The following SLC24A3 variants were observed in gnomAD, a reference collection of about 807,000 sequenced individuals.
SLC24A3 encodes the protein solute carrier family 24 member 3, also known as sodium/potassium/calcium exchanger 3.
A neutral mutation model predicts 75.8 loss-of-function variants in SLC24A3; 28 were observed. The observed-to-expected ratio is 0.37, with a 90% CI of 0.27 to 0.51. The LOEUF (loss-of-function observed/expected upper bound fraction) is 0.51, where lower values mean the gene tolerates loss of function less well. SLC24A3 is among the 20% of genes least tolerant of loss of function. SLC24A3 has a pLI of 0.94. For missense variants in SLC24A3, 663 were observed against 847.8 expected, an observed-to-expected ratio of 0.78 and a Z score of 2.71; for synonymous variants, 372 against 334.1, an observed-to-expected ratio of 1.11 and a Z score of -1.24.
intron 3 of SLC24A3, among the ~76,000 whole-genome samples, chr20:19,524,015 G>A (rs671762): frequency 0.16 from 24,974 of 152,048 alleles, 2,489 homozygotes; most frequent in East Asian, 0.3. Context: ...ACAGGGGATT[G>A]GTGGTGGATA....
intron 1 of SLC24A3, among the ~76,000 whole-genome samples, chr20:19,233,724 A>G (rs1339500090): frequency 6.6e-6 from 1 of 152,240 alleles, no homozygotes; most frequent in African/African-American, 2.4e-5. Context: ...AGTTCCTGTC[A>G]TGAAATCATT....
chr20:19,314,364 A>G lies in SLC24A3; in HGVS notation c.271+33277A>G, dbSNP rs185197582. Among the ~76,000 whole-genome samples the G allele has an allele frequency of 1.7e-4, 25 of 147,472 alleles. No individual in the cohort carries two copies. The Admixed American group carries it at 1.7e-3, about 10-fold the overall frequency. ...GGTCTCAGTCCACCACCCAGGCTGG[A>G]GTGCAGTGGCGCAATCTCGGCTCAC... On this transcript the variant is annotated intron_variant, in intron 2 of 16. Transcript: ENST00000328041.
At chr20:19,458,225 C>A (rs1987612893) in intron 2 of SLC24A3, among the ~76,000 whole-genome samples, 1 of 152,060 alleles carries the variant, frequency 6.6e-6, no homozygotes, top group African/African-American at 2.4e-5. Context: ...GTGTGTGTTT[C>A]CGTATTCTTT....
chr20:19,578,273 T>C (rs2031169413), intron 3 of SLC24A3, among the ~76,000 whole-genome samples: 1 of 151,988 alleles, frequency 6.6e-6, no homozygotes, highest in Non-Finnish European at 1.5e-5. Context: ...CGTGTGTGTG[T>C]GTGTGTGCAT....
intron 2 of SLC24A3, among the ~76,000 whole-genome samples, chr20:19,402,109 G>T (rs1024167690): frequency 2.0e-5 from 3 of 152,152 alleles, no homozygotes; most frequent in Non-Finnish European, 4.4e-5. Context: ...AACAACAAAG[G>T]CAGAAATCCC....
chr20:19,250,891 A>AG (rs1982634294), intron 1 of SLC24A3, among the ~76,000 whole-genome samples: 1 of 152,158 alleles, frequency 6.6e-6, no homozygotes. Flanking sequence ...TTCACAGTTG[A>AG]GGAAACTGAG....
chr20:19,537,866 C>T (rs1375391360), intron 3 of SLC24A3, among the ~76,000 whole-genome samples: 8 of 115,572 alleles, frequency 6.9e-5, no homozygotes, highest in South Asian at 5.6e-4. Context: ...CATCACACAC[C>T]GGGGACCGTT....
intron 6 of SLC24A3, among the ~76,000 whole-genome samples, chr20:19,607,765 C>A (rs1315349496): frequency 6.6e-6 from 1 of 152,240 alleles, no homozygotes; most frequent in Non-Finnish European, 1.5e-5. Context: ...ACCCCTGTCT[C>A]TCTGTTCTTT....
intron 2 of SLC24A3, among the ~76,000 whole-genome samples, chr20:19,451,292 G>T (rs150190862): frequency 4.2e-3 from 636 of 152,306 alleles, no homozygotes; most frequent in Non-Finnish European, 6.8e-3. Context: ...AGGTCCTTGG[G>T]CATTGCACAT....
intron 3 of SLC24A3, among the ~76,000 whole-genome samples, chr20:19,544,760 G>C (rs1255011996): frequency 6.6e-6 from 1 of 152,174 alleles, no homozygotes; most frequent in African/African-American, 2.4e-5. Flanking sequence ...TTGGATCCAA[G>C]ATGGCAGTTG....
intron 9 of SLC24A3, among the ~76,000 whole-genome samples, chr20:19,680,368 G>A (rs1337847863): frequency 6.6e-6 from 1 of 152,130 alleles, no homozygotes; most frequent in Non-Finnish European, 1.5e-5. Context: ...GCTAGACTAT[G>A]TCCCAAGTGG....
chr20:19,620,548 G>T (rs2031789972), intron 6 of SLC24A3, among the ~76,000 whole-genome samples: 1 of 152,172 alleles, frequency 6.6e-6, no homozygotes, highest in Non-Finnish European at 1.5e-5. Context: ...GTTCACCAGG[G>T]AGCAAACAGC....
chr20:19,512,312 C>G (rs926346133), intron 2 of SLC24A3, among the ~76,000 whole-genome samples: 2 of 152,200 alleles, frequency 1.3e-5, no homozygotes, highest in African/African-American at 4.8e-5. Flanking sequence ...TGTGGTTTCT[C>G]TTTGGCTCAC....
chr20:19,667,802 A>G (rs1031776015), intron 8 of SLC24A3, among the ~76,000 whole-genome samples: 6 of 152,184 alleles, frequency 3.9e-5, no homozygotes, highest in African/African-American at 1.4e-4. Flanking sequence ...CAAGAAAAGG[A>G]GTGTCTATTT....
chr20:19,623,114 T>C (rs1468686556), intron 6 of SLC24A3, among the ~76,000 whole-genome samples: 2 of 152,202 alleles, frequency 1.3e-5, no homozygotes, highest in South Asian at 2.1e-4. Context: ...TAACAAGTTC[T>C]AACTGTTTTT....
rs148983941 is a variant in SLC24A3, at chr20:19,676,267, C to T, written c.767+2613C>T. Among the ~76,000 whole-genome samples the T allele has an allele frequency of 3.8e-3, 585 of 152,262 alleles. 3 individuals carry two copies. The highest frequency in any genetic ancestry group is 0.014 in the South Asian group (67 of 4,820). On this transcript the variant is annotated intron_variant, in intron 9 of 16. Transcript: ENST00000328041. ...ACACGTGTACAGTAAGATAGTACAG[C>T]GAACACATCCTCTCCTCTTCCCCAA...
intron 2 of SLC24A3, among the ~76,000 whole-genome samples, chr20:19,434,815 G>T (rs1008281557): frequency 6.6e-6 from 1 of 151,938 alleles, no homozygotes; most frequent in African/African-American, 2.4e-5. Context: ...CACATGTGCA[G>T]GGTAAGGGGA....
rs900611363 is a variant in SLC24A3, at chr20:19,410,313, G to A, written c.272-105175G>A. Among the ~76,000 whole-genome samples, 15 of 152,220 alleles carry A rather than the reference G, an allele frequency of 9.9e-5. No individual in the cohort carries two copies. The East Asian group carries it at 1.5e-3, about 16-fold the overall frequency. The stretch of plus-strand genomic sequence containing the variant: ...CATTAGACAGTGTCCTTGAGGAAGC[G>A]AACCCAGCGTGCGGTCATGGCCTCC... On this transcript the variant is annotated intron_variant, in intron 2 of 16. Coordinates refer to ENST00000328041, the MANE Select transcript of SLC24A3 (RefSeq NM_020689.4).
intron 2 of SLC24A3, among the ~76,000 whole-genome samples, chr20:19,309,936 C>T (rs917222093): frequency 3.3e-5 from 5 of 152,060 alleles, no homozygotes; most frequent in African/African-American, 1.2e-4. Flanking sequence ...CAGGTCAGGG[C>T]GGCAAAGCAT....
Sources: allele counts gnomAD v4.1 joint callset (sites outside exome capture counted in the v4.1 genomes callset), GRCh38; gene constraint gnomAD v4.1.1; transcripts MANE v1.5; gene names NCBI Gene and HGNC (gene_info 2026-07-23, HGNC 2026-07-21).